The following FBH1 variants were observed in gnomAD, a reference collection of about 807,000 sequenced individuals.
FBH1 encodes DNA 3'-5' helicase 1.
Under a neutral mutation model 115.5 loss-of-function variants are expected in FBH1, and 43 were observed. The observed-to-expected ratio is 0.37, with a 90% CI of 0.29 to 0.48. The LOEUF (loss-of-function observed/expected upper bound fraction) is 0.48, where lower values mean the gene tolerates loss of function less well. Ranked by LOEUF, FBH1 falls within the 20% of genes least tolerant of loss-of-function variation. FBH1 has a pLI of 0.99. For missense variants in FBH1, 1,001 were observed against 1,337.3 expected (o/e 0.75, Z 3.92); for synonymous variants, 524 against 507.8 (o/e 1.03, Z -0.43).
In FBH1 at chr10:5,937,156, C is replaced by T. The variant is rs749762089; in HGVS notation, c.3008C>T (p.Ala1003Val). The T allele has an allele frequency of 1.2e-5, 20 of 1,613,476 alleles. No homozygotes were observed. The highest frequency in any genetic ancestry group is 6.7e-5 in the East Asian group (3 of 44,878). The change falls in exon 21 of 21, where the codon GCG becomes GTG. Residue 1003 changes from alanine (A) to valine (V), a missense_variant. By Grantham distance (64) the Ala-to-Val change is moderately conservative. Coordinates refer to ENST00000362091, the MANE Select transcript of FBH1 (RefSeq NM_178150.3). ...GGGGGCTACCTCTGCCACTCCTGTG[C>T]GGAGCAGCGCATCGGGCCCCTGGCG... ...NKGGYLCHSCAEQRIGPLAFL... is the reference protein window; with the variant it reads ...NKGGYLCHSCVEQRIGPLAFL...
Position 5,937,102 on chromosome 10 carries a change from C to T in FBH1, c.2962-8C>T. 1 of 1,588,512 alleles carries T rather than the reference C, an allele frequency of 6.3e-7. No homozygotes were observed. The highest frequency in any genetic ancestry group is 8.6e-7 in the Non-Finnish European group (1 of 1,166,192). The stretch of plus-strand genomic sequence containing the variant: ...CCCCTTAGCTCTCTCTCTTGTCCAT[C>T]ACCACAGAGCAACAGGAAGGAAAAC... On this transcript the variant is annotated splice_polypyrimidine_tract_variant and splice_region_variant and intron_variant, in intron 20 of 20. Coordinates refer to ENST00000362091, the MANE Select transcript of FBH1 (RefSeq NM_178150.3).
rs1464963443 is a variant in FBH1 at position 5,931,036 on chromosome 10, T to TATAGGTGTGACACA, written c.2829+3508_2829+3509insAATAGGTGTGACAC. 2.0e-5 allele frequency among the ~76,000 whole-genome samples: 3 copies of TATAGGTGTGACACA among 152,204 alleles called. No individual in the cohort carries two copies. The highest frequency in any genetic ancestry group is 4.4e-5 in the Non-Finnish European group (3 of 68,028). ...CCTCAGCCTCCCAAAGTTCTGGGAT[T>TATAGGTGTGACACA]ATAGGTGTGACACCAGGCAAATTTC... On this transcript the variant is annotated intron_variant, in intron 19 of 20. Transcript: ENST00000362091. The surrounding 1 kb of genome is among the most constrained non-coding windows in gnomAD (Gnocchi z 4.3).
rs1831831052 is a variant in FBH1 at position 5,914,895 on chromosome 10, G to A, written c.1397-508G>A. 6.6e-6 allele frequency among the ~76,000 whole-genome samples: 1 copy of A among 152,240 alleles called. No homozygotes were observed. Among genetic ancestry groups the A allele is most frequent in the Non-Finnish European group, 1.5e-5 (1 of 68,026 alleles). On this transcript the variant is annotated intron_variant, in intron 8 of 20. Transcript: ENST00000362091. The surrounding 1 kb of genome is among the most constrained non-coding windows in gnomAD (Gnocchi z 5.2). ...CCTGCAGTGTGCTTGGCATTGTGCT[G>A]ATCCTGATAGCATTCCGTAAGGTTG...
chr10:5,903,256 G>A (rs566857688), intron 2 of FBH1, 81 bp downstream of exon 2: 880 of 1,161,704 alleles, frequency 7.6e-4, no homozygotes, highest in Admixed American at 9.1e-4. Flanking sequence ...AAAAGTATTT[G>A]TAAATGTTGC....
chr10:5,898,523 G>T (rs1843142557), intron 1 of FBH1, among the ~76,000 whole-genome samples: 1 of 152,088 alleles, frequency 6.6e-6, no homozygotes, highest in Admixed American at 6.6e-5. Context: ...TGATTCTTGG[G>T]CCTCAGCCTC....
intron 1 of FBH1, 76 bp from the exon 2 acceptor site, chr10:5,902,944 T>TA: frequency 7.1e-7 from 1 of 1,407,976 alleles, no homozygotes; most frequent in Non-Finnish European, 9.5e-7. Flanking sequence ...AACTTGAGTA[T>TA]AATGTGCTGG....
rs1034390415 is a variant in FBH1, at chr10:5,912,130, C to T, written c.1211+1002C>T. On this transcript the variant is annotated intron_variant, in intron 6 of 20. Coordinates refer to ENST00000362091, the MANE Select transcript of FBH1 (RefSeq NM_178150.3). ...TAATCCAGCACTTTGGGAGGCGAGG[C>T]GGGCAGTTCGCTTGAGGCCAGGAGC... Among the ~76,000 whole-genome samples, 8 of 152,114 alleles carry T rather than the reference C, an allele frequency of 5.3e-5. No individual in the cohort carries two copies. The South Asian group carries it at 6.2e-4, about 12-fold the overall frequency.
intron 3 of FBH1, among the ~76,000 whole-genome samples, chr10:5,907,051 C>T (rs1843738507): frequency 6.6e-6 from 1 of 152,158 alleles, no homozygotes; most frequent in Non-Finnish European, 1.5e-5. Flanking sequence ...CAACCTCTGC[C>T]TCCCAGGTTC....
chr10:5,903,576 G>A (rs931863145), intron 2 of FBH1, among the ~76,000 whole-genome samples: 3 of 151,874 alleles, frequency 2.0e-5, no homozygotes, highest in African/African-American at 4.8e-5. Context: ...TGATCCACCC[G>A]CCTCGGCCTC....
rs556279681 is a variant in FBH1 at position 5,924,786 on chromosome 10, G to A, written c.2596+278G>A. The A allele has an allele frequency of 8.2e-5, 42 of 512,128 alleles. No individual in the cohort carries two copies. Among genetic ancestry groups the A allele is most frequent in the African/African-American group, 3.1e-4 (16 of 52,422 alleles). The allele number at this position is 512,128 out of a possible 1,614,324, so 31.7% of individuals were successfully genotyped here. On this transcript the variant is annotated intron_variant, in intron 17 of 20. Transcript: ENST00000362091. This position sits in a 1 kb window ranked among gnomAD's most constrained non-coding sequence, Gnocchi z 6.2. The stretch of plus-strand genomic sequence containing the variant: ...TCACCATGTTGGCCAGGCTGGTCTC[G>A]AACTCCCAACCTCAGGTAATCTGCC...
chr10:5,923,644 C>T lies in FBH1; in HGVS notation c.2346C>T (p.Asp782=). The T allele has an allele frequency of 1.2e-6, 2 of 1,614,128 alleles. No individual in the cohort carries two copies. Among genetic ancestry groups the T allele is most frequent in the Non-Finnish European group, 1.7e-6 (2 of 1,180,004 alleles). Residue 782 remains aspartate (D), a synonymous_variant, in exon 16 of 21, where the codon GAC becomes GAT. Coordinates refer to ENST00000362091, the MANE Select transcript of FBH1 (RefSeq NM_178150.3). This position sits in a 1 kb window ranked among gnomAD's most constrained non-coding sequence, Gnocchi z 5.7. ...AGGGGATTAAATCATTTGGATTGGA[C>T]AGAATCATTGATATTTGGATCCTTC... The part of the protein sequence containing the change: ...LIGGIKSFGL[D]RIIDIWILLQ...
chr10:5,901,499 T>C (rs967994722), intron 1 of FBH1, among the ~76,000 whole-genome samples: 3 of 151,952 alleles, frequency 2.0e-5, no homozygotes, highest in Non-Finnish European at 4.4e-5. Flanking sequence ...ATGATACTGG[T>C]AGAACCTGAT....
chr10:5,911,434 C>G lies in FBH1; in HGVS notation c.1211+306C>G, dbSNP rs1042764568. ...CCAAGAGAAGCCTTTCTTATTCACC[C>G]GTGGCCTCGCTTCCCTAGGAAAATG... On this transcript the variant is annotated intron_variant, in intron 6 of 20. Transcript: ENST00000362091. The surrounding 1 kb of genome is among the most constrained non-coding windows in gnomAD (Gnocchi z 5.4). Among the ~76,000 whole-genome samples, 1 of 152,226 alleles carries G rather than the reference C, an allele frequency of 6.6e-6. No individual in the cohort carries two copies. Among genetic ancestry groups the G allele is most frequent in the Non-Finnish European group, 1.5e-5 (1 of 68,044 alleles).
rs945504304 is a variant in FBH1 at position 5,924,019 on chromosome 10, A to G, written c.2399-292A>G. On this transcript the variant is annotated intron_variant, in intron 16 of 20. Coordinates refer to ENST00000362091, the MANE Select transcript of FBH1 (RefSeq NM_178150.3). This position sits in a 1 kb window ranked among gnomAD's most constrained non-coding sequence, Gnocchi z 6.2. ...TGGGCCCCAAGTGATAGCGTCGAGC[A>G]TTTCTATAGCGCTTTTCTTTTCCTG... 3 of 561,220 alleles carry G rather than the reference A, an allele frequency of 5.3e-6. No individual in the cohort carries two copies. Among genetic ancestry groups the G allele is most frequent in the Non-Finnish European group, 9.5e-6 (3 of 315,592 alleles). 34.8% of individuals were successfully genotyped at this position (561,220 alleles called of 1,614,324 possible).
At position 5,909,050 on chromosome 10, in the gene FBH1, C is replaced by T. The variant is rs140807283; in HGVS notation, c.879C>T (p.Leu293=). Residue 293 remains leucine (L), a synonymous_variant, in exon 4 of 21, where the codon CTC becomes CTT. Transcript: ENST00000362091. The surrounding 1 kb of genome is among the most constrained non-coding windows in gnomAD (Gnocchi z 4.4). ...EKESDLCVLN[L]IRYTATTKCS... The stretch of plus-strand genomic sequence containing the variant: ...AGTCAGACCTGTGTGTGCTGAACCT[C>T]ATACGGTGAGCTTTGCCTGTGCTGT... 2.5e-6 allele frequency: 4 copies of T among 1,614,196 alleles called. No individual in the cohort carries two copies. Among genetic ancestry groups the T allele is most frequent in the Middle Eastern group, 1.6e-4 (1 of 6,062 alleles).
intron 3 of FBH1, among the ~76,000 whole-genome samples, chr10:5,908,005 G>A (rs548659483): frequency 6.6e-6 from 1 of 152,318 alleles, no homozygotes; most frequent in African/African-American, 2.4e-5. Flanking sequence ...GGAGTATTCT[G>A]TATATGTTCG....
chr10:5,909,529 A>T lies in FBH1; in HGVS notation c.1020+235A>T, dbSNP rs1288704959. Reference sequence around the variant, plus strand: ...AACAAATCATTTAGTCTGATTTCCCATTTGGTTGAGGAATCTTCTCTGAAA... The same window carrying T: ...AACAAATCATTTAGTCTGATTTCCCTTTTGGTTGAGGAATCTTCTCTGAAA... On this transcript the variant is annotated intron_variant, in intron 5 of 20. Coordinates refer to ENST00000362091, the MANE Select transcript of FBH1 (RefSeq NM_178150.3). The surrounding 1 kb of genome is among the most constrained non-coding windows in gnomAD (Gnocchi z 4.4). 3.4e-5 allele frequency: 16 copies of T among 469,384 alleles called. No homozygotes were observed. The highest frequency in any genetic ancestry group is 5.9e-5 in the African/African-American group (3 of 50,494). 29.1% of individuals were successfully genotyped at this position (469,384 alleles called of 1,614,324 possible).
In FBH1 at chr10:5,918,226, G is replaced by A. The variant is rs983706941; in HGVS notation, c.1964-116G>A. The A allele has an allele frequency of 1.1e-5, 14 of 1,279,988 alleles. No homozygotes were observed. Among genetic ancestry groups the A allele is most frequent in the African/African-American group, 1.1e-4 (7 of 65,702 alleles). 79.3% of individuals were successfully genotyped at this position (1,279,988 alleles called of 1,614,324 possible). On this transcript the variant is annotated intron_variant, in intron 12 of 20. Transcript: ENST00000362091. The surrounding 1 kb of genome is among the most constrained non-coding windows in gnomAD (Gnocchi z 4.0). ...GTGTGCCTGTCCTACAGGAAAAGGC[G>A]ACCGTGAGGTCCAGTGTGCCCTGGC...
chr10:5,906,180 T>G lies in FBH1; in HGVS notation c.301T>G (p.Cys101Gly). Residue 101 changes from cysteine (C) to glycine (G), a missense_variant, in exon 3 of 21, where the codon TGT becomes GGT. This residue lies in a region of FBH1 where 420 missense variants were observed against 430.4 expected (regional missense o/e 0.98). Transcript: ENST00000362091. This position sits in a 1 kb window ranked among gnomAD's most constrained non-coding sequence, Gnocchi z 7.3. ...GDMIFPAESSCALPQEGSAGP... is the reference protein window; with the variant it reads ...GDMIFPAESSGALPQEGSAGP... ...CATGATCTTTCCTGCAGAGAGCAGCTGTGCACTGCCTCAGGAAGGCAGTGC... is the reference window on the plus strand; with the variant it reads ...CATGATCTTTCCTGCAGAGAGCAGCGGTGCACTGCCTCAGGAAGGCAGTGC... 2 of 1,614,196 alleles carry G rather than the reference T, an allele frequency of 1.2e-6. No homozygotes were observed. The highest frequency in any genetic ancestry group is 1.7e-6 in the Non-Finnish European group (2 of 1,180,026).
Sources: gnomAD v4.1 joint callset for allele counts (sites outside exome capture counted in the v4.1 genomes callset) on GRCh38, gnomAD v4.1.1 for gene constraint, gnomAD v4.1.1 regional missense constraint, Gnocchi (gnomAD v3.1) non-coding constraint, MANE v1.5 for transcripts, NCBI Gene and HGNC (gene_info 2026-07-23, HGNC 2026-07-21) for gene names.